The following TUFT1 variants were observed in gnomAD, a reference collection of about 807,000 sequenced individuals.
The protein encoded by TUFT1 is tuftelin 1.
A neutral mutation model predicts 57.8 loss-of-function variants in TUFT1; 43 were observed. The ratio of observed to expected loss-of-function variants is 0.74; its 90% CI spans 0.58 to 0.96. The LOEUF (loss-of-function observed/expected upper bound fraction) is 0.96. Ranked by LOEUF, TUFT1 falls within the 40% of genes least tolerant of loss-of-function variation. The probability of loss-of-function intolerance (pLI) is 0.00; values close to 1 mark genes in which losing one functional copy is unlikely to be tolerated. For synonymous variants in TUFT1, 166 were observed against 176.7 expected (o/e 0.94, Z 0.48); for missense variants, 459 against 489.0 (o/e 0.94, Z 0.58).
chr1:151,579,469 T>C (rs1436582913), intron 10 of TUFT1, among the ~76,000 whole-genome samples, 180 bp from the exon 11 acceptor site: 2 of 152,136 alleles, frequency 1.3e-5, no homozygotes, highest in Admixed American at 6.5e-5. Flanking sequence ...CACTCCTCAC[T>C]CCCACCCCTG....
At chr1:151,542,464 T>C (rs1485174566) in intron 1 of TUFT1, among the ~76,000 whole-genome samples, 2 of 151,652 alleles carry the variant, frequency 1.3e-5, no homozygotes, top group African/African-American at 4.8e-5. Flanking sequence ...ACTCCTGGGC[T>C]CAAGCAGTCT....
chr1:151,562,174 G>A lies in TUFT1; in HGVS notation c.135+9G>A. Reference sequence around the variant, plus strand: ...AACACATAGCCCAGAAGGTACTGCGGAATTCTGGTGGGCAAGGCCCCCTCC... The same window carrying A: ...AACACATAGCCCAGAAGGTACTGCGAAATTCTGGTGGGCAAGGCCCCCTCC... On this transcript the variant is annotated intron_variant, in intron 2 of 12. Coordinates refer to ENST00000368849, the MANE Select transcript of TUFT1 (RefSeq NM_020127.3). The A allele has an allele frequency of 6.2e-7, 1 of 1,612,642 alleles. No individual in the cohort carries two copies. Among genetic ancestry groups the A allele is most frequent in the Non-Finnish European group, 8.5e-7 (1 of 1,178,810 alleles).
At chr1:151,575,915 A>G (rs1332055708) in intron 9 of TUFT1, among the ~76,000 whole-genome samples, 1 of 152,124 alleles carries the variant, frequency 6.6e-6, no homozygotes, top group East Asian at 1.9e-4. Flanking sequence ...CACGTGTCAT[A>G]TTGTAGCCTC....
chr1:151,543,163 T>C (rs923781712), intron 1 of TUFT1, among the ~76,000 whole-genome samples: 1 of 152,100 alleles, frequency 6.6e-6, no homozygotes, highest in African/African-American at 2.4e-5. Context: ...ATGCAGCAGG[T>C]ACAAGGAGCC....
At chr1:151,565,884 A>C (rs1436173381) in intron 5 of TUFT1, 3 of 319,000 alleles carry the variant, frequency 9.4e-6, no homozygotes, top group African/African-American at 2.1e-5. Flanking sequence ...AGGCCCTTTC[A>C]AGGCCGCATA....
Position 151,578,720 on chromosome 1 carries a change from G to C in TUFT1, c.819-1G>C. Reference sequence around the variant, plus strand: ...CTCAGCCTTCTGGTCTTTATCCCCAGGGCTGCTACCCTGGAAAAGGAAGTG... The same window carrying C: ...CTCAGCCTTCTGGTCTTTATCCCCACGGCTGCTACCCTGGAAAAGGAAGTG... On this transcript the variant is annotated splice_acceptor_variant, in intron 9 of 12. Coordinates refer to ENST00000368849, the MANE Select transcript of TUFT1 (RefSeq NM_020127.3). LOFTEE classifies it high-confidence loss of function. 6.4e-7 allele frequency: 1 copy of C among 1,559,486 alleles called. No homozygotes were observed. Among genetic ancestry groups the C allele is most frequent in the Non-Finnish European group, 8.7e-7 (1 of 1,150,642 alleles).
At position 151,566,308 on chromosome 1, in the gene TUFT1, TTCTC is replaced by T. The variant is rs57179871; in HGVS notation, c.480+97_480+100del. On this transcript the variant is annotated intron_variant, in intron 6 of 12. Coordinates refer to ENST00000368849, the MANE Select transcript of TUFT1 (RefSeq NM_020127.3). ...CCTCCCCATCCTTTTGTTTATTGCT[TTCTC>T]TCTCTCTCTCTCTCTCATTAAATAC... The T allele has an allele frequency of 1.6e-3, 1,420 of 902,988 alleles. 3 individuals are homozygous for T. The highest frequency in any genetic ancestry group is 0.01 in the East Asian group (357 of 34,426). The allele number at this position is 902,988 out of a possible 1,614,324, so 55.9% of individuals were successfully genotyped here. A position where few individuals can be genotyped will look rare whatever the true frequency, so the allele number is the denominator to read the frequency against.
rs79742545 is a variant in TUFT1 at position 151,563,215 on chromosome 1, A to G, written c.237+529A>G. On this transcript the variant is annotated intron_variant, in intron 3 of 12. Coordinates refer to ENST00000368849, the MANE Select transcript of TUFT1 (RefSeq NM_020127.3). ...AACTTATTTTTTAAAAAATAAAATG[A>G]TTTTTGTTATTTCTCTCTCTCTTTT... 6.2e-3 allele frequency among the ~76,000 whole-genome samples: 945 copies of G among 151,966 alleles called. 8 individuals are homozygous for G. Among genetic ancestry groups the G allele is most frequent in the African/African-American group, 0.022 (909 of 41,444 alleles).
chr1:151,558,340 G>C (rs2102531760), intron 1 of TUFT1, among the ~76,000 whole-genome samples: 1 of 151,420 alleles, frequency 6.6e-6, no homozygotes, highest in East Asian at 1.9e-4. Context: ...TTTCCGAAGA[G>C]AAAATAACCT....
At chr1:151,566,683 T>A (rs888258426) in intron 6 of TUFT1, among the ~76,000 whole-genome samples, 3 of 152,192 alleles carry the variant, frequency 2.0e-5, no homozygotes, top group Admixed American at 2.0e-4. Context: ...TATTTAAATA[T>A]CATGTATATG....
chr1:151,561,653 GT>G (rs1665898417), intron 1 of TUFT1: 1 of 1,213,838 alleles, frequency 8.2e-7, no homozygotes, highest in African/African-American at 1.6e-5. Flanking sequence ...CTTTCCTATA[GT>G]TTAGTTCAGG....
chr1:151,557,879 C>T (rs892978821), intron 1 of TUFT1: 23 of 726,222 alleles, frequency 3.2e-5, no homozygotes, highest in Non-Finnish European at 5.8e-5. Flanking sequence ...GGGGCTGGGT[C>T]AGCAACCGAA....
At chr1:151,543,330 T>C (rs908424240) in intron 1 of TUFT1, among the ~76,000 whole-genome samples, 11 of 27,138 alleles carry the variant, frequency 4.1e-4, no homozygotes, top group Non-Finnish European at 7.9e-4. Context: ...TATATATATG[T>C]GTGTGTGTGT....
chr1:151,552,938 G>C (rs1665557604), intron 1 of TUFT1, among the ~76,000 whole-genome samples: 1 of 152,104 alleles, frequency 6.6e-6, no homozygotes, highest in Non-Finnish European at 1.5e-5. Context: ...TGGACAAAAA[G>C]GGTATGATCT....
At position 151,582,410 on chromosome 1, in the gene TUFT1, A is replaced by G; in HGVS notation, c.*703A>G. On this transcript the variant is annotated 3_prime_UTR_variant, in exon 13 of 13. Transcript: ENST00000368849. The stretch of plus-strand genomic sequence containing the variant: ...ACTTCTCTCTGCTGTGAAAACTCCC[A>G]GAGTCTCTTTAGGGATTTTCCCTAA... 5 of 352,832 alleles carry G rather than the reference A, an allele frequency of 1.4e-5. No homozygotes were observed. Among genetic ancestry groups the G allele is most frequent in the Non-Finnish European group, 2.8e-5 (5 of 179,328 alleles). 21.9% of individuals were successfully genotyped at this position (352,832 alleles called of 1,614,324 possible). A position where few individuals can be genotyped will look rare whatever the true frequency, so the allele number is the denominator to read the frequency against.
intron 1 of TUFT1, chr1:151,546,003 C>CTT (rs34362343): frequency 0.014 from 2,776 of 202,736 alleles, 79 homozygotes; most frequent in African/African-American, 0.068. Flanking sequence ...GCATTTTTTT[C>CTT]TTTTTTTTTT....
chr1:151,557,306 TATC>T (rs1665733551), intron 1 of TUFT1: 2 of 477,016 alleles, frequency 4.2e-6, no homozygotes, highest in African/African-American at 4.2e-5. Flanking sequence ...AGTATAATAT[TATC>T]ATATTTAAAT....
chr1:151,543,919 T>C (rs1291589089), intron 1 of TUFT1, among the ~76,000 whole-genome samples: 1 of 151,994 alleles, frequency 6.6e-6, no homozygotes, highest in Non-Finnish European at 1.5e-5. Flanking sequence ...GACTTTACCA[T>C]GGATGATCTC....
At chr1:151,575,996 C>T (rs910142412) in intron 9 of TUFT1, among the ~76,000 whole-genome samples, 3 of 151,990 alleles carry the variant, frequency 2.0e-5, no homozygotes, top group Middle Eastern at 3.2e-3. Context: ...TGGGTAGGTG[C>T]GCATGGGCAG....
Sources: gnomAD v4.1 joint callset for allele counts (sites outside exome capture counted in the v4.1 genomes callset) on GRCh38, gnomAD v4.1.1 for gene constraint, MANE v1.5 for transcripts, NCBI Gene and HGNC (gene_info 2026-07-23, HGNC 2026-07-21) for gene names.